RAP1GAP: variants seen among roughly 807,000 people sequenced by gnomAD.
RAP1GAP encodes the protein rap1 GTPase-activating protein 1.
A neutral mutation model predicts 87.2 loss-of-function variants in RAP1GAP; 35 were observed. The ratio of observed to expected loss-of-function variants is 0.40; its 90% CI spans 0.31 to 0.53. The LOEUF (loss-of-function observed/expected upper bound fraction) is 0.53. Ranked by LOEUF, RAP1GAP falls within the 20% of genes least tolerant of loss-of-function variation. The pLI, the probability that RAP1GAP is intolerant of heterozygous loss-of-function variation, is 0.48. For missense variants in RAP1GAP, 734 were observed against 898.9 expected (o/e 0.82, Z 2.35); for synonymous variants, 375 against 363.9 (o/e 1.03, Z -0.35).
chr1:21,668,351 G>A lies in RAP1GAP; in HGVS notation c.-149+903C>T, dbSNP rs2097446208. On this transcript the variant is annotated intron_variant, in intron 1 of 24. Transcript: ENST00000374765. The surrounding 1 kb of genome is among the most constrained non-coding windows in gnomAD (Gnocchi z 6.2). ...GCCCCAGGGGCCTGACCTCTGACTT[G>A]GCAGGGAGGGGAATGGAGCCCGGGG... 6.6e-6 allele frequency among the ~76,000 whole-genome samples: 1 copy of A among 152,148 alleles called. No individual in the cohort carries two copies. The highest frequency in any genetic ancestry group is 1.5e-5 in the Non-Finnish European group (1 of 68,010).
At chr1:21,625,082 A>G (rs1248768566) in intron 3 of RAP1GAP, among the ~76,000 whole-genome samples, 1 of 152,202 alleles carries the variant, frequency 6.6e-6, no homozygotes, top group African/African-American at 2.4e-5. Context: ...CCAGACAGAG[A>G]AAACAGGAGT....
intron 2 of RAP1GAP, among the ~76,000 whole-genome samples, chr1:21,637,145 CTTT>C (rs869047762): frequency 3.1e-5 from 4 of 128,496 alleles, no homozygotes; most frequent in Non-Finnish European, 3.4e-5. Context: ...TCTTTTTTTT[CTTT>C]TTTTTTTTTT....
Position 21,614,293 on chromosome 1 carries a change from T to C in RAP1GAP, c.292-204A>G, listed in dbSNP as rs112289728. Reference sequence around the variant, plus strand: ...CAGCTGGGCAGCCTGAGGAGGTCACTTGGCCGCTCTGTGCCTCACTTTCCT... The same window carrying C: ...CAGCTGGGCAGCCTGAGGAGGTCACCTGGCCGCTCTGTGCCTCACTTTCCT... On this transcript the variant is annotated intron_variant, in intron 7 of 24. Transcript: ENST00000374765. Among the ~76,000 whole-genome samples, 138 of 152,326 alleles carry C rather than the reference T, an allele frequency of 9.1e-4. 1 individual carries two copies. Among genetic ancestry groups the C allele is most frequent in the African/African-American group, 3.1e-3 (127 of 41,574 alleles).
intron 20 of RAP1GAP, among the ~76,000 whole-genome samples, chr1:21,601,221 G>A (rs1470628997): frequency 6.6e-6 from 1 of 151,978 alleles, no homozygotes; most frequent in Non-Finnish European, 1.5e-5. Context: ...CCTGGAGTGT[G>A]CCCCAGGCCT....
chr1:21,666,123 C>A (rs1418081258), intron 1 of RAP1GAP, among the ~76,000 whole-genome samples: 1 of 152,144 alleles, frequency 6.6e-6, no homozygotes, highest in African/African-American at 2.4e-5. Context: ...GAGCTGGGAG[C>A]CCCTCCCCAT....
intron 13 of RAP1GAP, among the ~76,000 whole-genome samples, chr1:21,610,831 C>A (rs1470778027): frequency 6.6e-6 from 1 of 152,164 alleles, no homozygotes; most frequent in African/African-American, 2.4e-5. Context: ...AAACGAAAGT[C>A]AAAAGACACT....
chr1:21,640,367 T>C (rs565144451), intron 2 of RAP1GAP, among the ~76,000 whole-genome samples: 18 of 152,330 alleles, frequency 1.2e-4, no homozygotes, highest in Non-Finnish European at 2.4e-4. Flanking sequence ...GGTGTGACCA[T>C]TAAGCCACTG....
chr1:21,627,074 G>C (rs75216224), intron 2 of RAP1GAP: 17,641 of 445,846 alleles, frequency 0.04, 494 homozygotes, highest in African/African-American at 0.066. Context: ...AAGAAAGCAG[G>C]TCTGGCGAGG....
intron 3 of RAP1GAP, among the ~76,000 whole-genome samples, chr1:21,626,025 T>A (rs1208233473): frequency 6.6e-6 from 1 of 152,158 alleles, no homozygotes; most frequent in African/African-American, 2.4e-5. Flanking sequence ...GTGGAGATGA[T>A]GAAGATAGCT....
In RAP1GAP at chr1:21,668,156, G is replaced by A. The variant is rs2097435998; in HGVS notation, c.-149+1098C>T. 1.3e-5 allele frequency among the ~76,000 whole-genome samples: 2 copies of A among 152,316 alleles called. No homozygotes were observed. The highest frequency in any genetic ancestry group is 4.1e-4 in the South Asian group (2 of 4,828). ...TTCCCCCAAACACCCTCAGGAAGGA[G>A]GGACCACTACCTGTGCAGGGGGGGC... On this transcript the variant is annotated intron_variant, in intron 1 of 24. Coordinates refer to ENST00000374765, the MANE Select transcript of RAP1GAP (RefSeq NM_002885.4). The surrounding 1 kb of genome is among the most constrained non-coding windows in gnomAD (Gnocchi z 6.2).
intron 17 of RAP1GAP, 116 bp downstream of exon 17, chr1:21,608,097 G>A (rs2075956380): frequency 2.9e-6 from 4 of 1,377,384 alleles, no homozygotes; most frequent in South Asian, 3.2e-5. Flanking sequence ...CCTCAGCCAC[G>A]CCCCTTCTGC....
chr1:21,612,207 C>T (rs988746166), intron 10 of RAP1GAP, 98 bp from the exon 11 acceptor site: 9 of 891,288 alleles, frequency 1.0e-5, no homozygotes, highest in Admixed American at 8.1e-5. Context: ...GCTCTACACA[C>T]GTCACGTCAT....
chr1:21,614,026 C>T lies in RAP1GAP; in HGVS notation c.355G>A (p.Asp119Asn), dbSNP rs563762085. The T allele has an allele frequency of 2.2e-5, 36 of 1,612,714 alleles. No individual in the cohort carries two copies. Among genetic ancestry groups the T allele is most frequent in the Non-Finnish European group, 3.1e-5 (36 of 1,179,300 alleles). ...AGGTGCTCTTGGTCCCCGATGACAT[C>T]GTACTTGAGTGAGAAGACAAGGTGG... ...LGHLVFSLKY[D>N]VIGDQEHLRL... is the part of the protein sequence containing the mutation. The change falls in exon 8 of 25, where the codon GAT (aspartate) becomes AAT (asparagine). Residue 119 changes from aspartate (D) to asparagine (N), a missense_variant. By Grantham distance (23) the Asp-to-Asn change is conservative. Transcript: ENST00000374765.
chr1:21,600,485 T>A (rs1302209889), intron 20 of RAP1GAP, among the ~76,000 whole-genome samples: 7 of 152,172 alleles, frequency 4.6e-5, no homozygotes, highest in Non-Finnish European at 1.0e-4. Flanking sequence ...TCTGCTTCCA[T>A]CCCACCCCAC....
chr1:21,597,673 G>A lies in RAP1GAP; in HGVS notation c.*34+13C>T, dbSNP rs370825074. On this transcript the variant is annotated intron_variant, in intron 24 of 24. Transcript: ENST00000374765. ...CTCTCCCACCAAACACAAGCTGAGG[G>A]GCTGGGTCTAACCTGCTCAGTTTCA... The A allele has an allele frequency of 6.3e-6, 10 of 1,590,512 alleles. No individual in the cohort carries two copies. The African/African-American group carries it at 9.4e-5, about 15-fold the overall frequency.
At chr1:21,627,357 G>A (rs982885600) in intron 2 of RAP1GAP, among the ~76,000 whole-genome samples, 11 of 150,292 alleles carry the variant, frequency 7.3e-5, no homozygotes, top group African/African-American at 2.4e-4. Flanking sequence ...GGAAGGACCC[G>A]AAAAAGTCTG....
chr1:21,642,577 G>A (rs1165628559), intron 2 of RAP1GAP, among the ~76,000 whole-genome samples: 2 of 152,102 alleles, frequency 1.3e-5, no homozygotes, highest in Admixed American at 6.5e-5. Context: ...CCTGAGCTGC[G>A]GCTGACTCAG....
intron 2 of RAP1GAP, among the ~76,000 whole-genome samples, chr1:21,641,921 C>T (rs1006760385): frequency 5.3e-5 from 8 of 152,226 alleles, no homozygotes; most frequent in African/African-American, 1.9e-4. Context: ...GCATGTGTTT[C>T]TTCCCTCCTG....
Position 21,608,074 on chromosome 1 carries a change from C to G in RAP1GAP, c.1296+139G>C, listed in dbSNP as rs928517100. On this transcript the variant is annotated intron_variant, in intron 17 of 24. Transcript: ENST00000374765. The stretch of plus-strand genomic sequence containing the variant: ...CCCATGCTGTGTCAATCCCCCAGTC[C>G]GGGACTCCACCCCCTCAGCCACGCC... 5 of 1,306,618 alleles carry G rather than the reference C, an allele frequency of 3.8e-6. No homozygotes were observed. In the African/African-American group the frequency reaches 7.4e-5, roughly 19 times the overall value. 80.9% of individuals were successfully genotyped at this position (1,306,618 alleles called of 1,614,324 possible). A position where few individuals can be genotyped will look rare whatever the true frequency, so the allele number is the denominator to read the frequency against.
Sources: allele counts gnomAD v4.1 joint callset (sites outside exome capture counted in the v4.1 genomes callset), GRCh38; gene constraint gnomAD v4.1.1; non-coding constraint Gnocchi (gnomAD v3.1); transcripts MANE v1.5; gene names NCBI Gene and HGNC (gene_info 2026-07-23, HGNC 2026-07-21).